FGF10: variants seen among roughly 807,000 people sequenced by gnomAD.
The protein encoded by FGF10 is FGF-10.
Under a neutral mutation model 19.8 loss-of-function variants are expected in FGF10, and 2 were observed. The observed-to-expected ratio is 0.10, with a 90% CI of 0.04 to 0.32. FGF10 has a LOEUF of 0.32. FGF10 is among the 10% of genes least tolerant of loss of function. The pLI, the probability that FGF10 is intolerant of heterozygous loss-of-function variation, is 1.00. For synonymous variants in FGF10, 112 were observed against 94.0 expected (o/e 1.19, Z -1.10); for missense variants, 191 against 246.3 (o/e 0.78, Z 1.50).
chr5:44,377,764 A>T (rs937767052), intron 1 of FGF10, among the ~76,000 whole-genome samples: 3 of 152,226 alleles, frequency 2.0e-5, no homozygotes, highest in Non-Finnish European at 4.4e-5. Context: ...ACATAATGTG[A>T]TATCTTGGGG....
At chr5:44,364,660 T>C (rs1392756640) in intron 1 of FGF10, among the ~76,000 whole-genome samples, 7 of 151,926 alleles carry the variant, frequency 4.6e-5, no homozygotes, top group Admixed American at 3.9e-4. Context: ...AAGTGAAATA[T>C]GATGAGGTTT....
Position 44,388,341 on chromosome 5 carries a change from A to G in FGF10, c.325+17T>C, listed in dbSNP as rs1742156960. On this transcript the variant is annotated intron_variant, in intron 1 of 2. Transcript: ENST00000264664. ...GGTGGATAATTGGAAGGAGGGGAGC[A>G]TGCATTTGTTACTTACTGTACGGGC... is the stretch of plus-strand genomic sequence containing the variant. 5 of 1,609,238 alleles carry G rather than the reference A, an allele frequency of 3.1e-6. No homozygotes were observed. The highest frequency in any genetic ancestry group is 1.1e-5 in the South Asian group (1 of 90,944).
At chr5:44,322,165 A>G (rs961937747) in intron 1 of FGF10, among the ~76,000 whole-genome samples, 7 of 152,140 alleles carry the variant, frequency 4.6e-5, no homozygotes, top group African/African-American at 1.4e-4. Context: ...TAGAACAACA[A>G]TCACCACTGG....
rs573116337 is a variant in FGF10 at position 44,303,188 on chromosome 5, T to C, written c.*1807A>G. 2.0e-5 allele frequency among the ~76,000 whole-genome samples: 3 copies of C among 152,308 alleles called. No individual in the cohort carries two copies. The highest frequency in any genetic ancestry group is 7.2e-5 in the African/African-American group (3 of 41,576). On this transcript the variant is annotated 3_prime_UTR_variant, in exon 3 of 3. Transcript: ENST00000264664. ...GTGTTTCTTCTGAAATACAGTTTTT[T>C]TGAAGAATGGGAAAAATATGACCTT...
At chr5:44,350,213 T>C (rs1323112002) in intron 1 of FGF10, among the ~76,000 whole-genome samples, 1 of 150,640 alleles carries the variant, frequency 6.6e-6, no homozygotes, top group African/African-American at 2.4e-5. Context: ...ACATAAATGG[T>C]TAAGTAAACT....
chr5:44,300,934 G>A lies in FGF10; in HGVS notation c.*4061C>T, dbSNP rs1298739492. Among the ~76,000 whole-genome samples, 1 of 152,030 alleles carries A rather than the reference G, an allele frequency of 6.6e-6. No homozygotes were observed. The highest frequency in any genetic ancestry group is 6.6e-5 in the Admixed American group (1 of 15,238). On this transcript the variant is annotated 3_prime_UTR_variant, in exon 3 of 3. Transcript: ENST00000264664. ...GGATCTTGTAGTAAAGGAGTTTGGGGTTTTGGGTTTTGGAGTAGGAAAGAA... is the reference window on the plus strand; with the variant it reads ...GGATCTTGTAGTAAAGGAGTTTGGGATTTTGGGTTTTGGAGTAGGAAAGAA...
intron 1 of FGF10, among the ~76,000 whole-genome samples, chr5:44,316,385 T>G (rs746665324): frequency 2.6e-5 from 4 of 152,152 alleles, no homozygotes; most frequent in Non-Finnish European, 5.9e-5. Flanking sequence ...TAGTGGCAAG[T>G]TAACCAACCT....
At chr5:44,312,878 C>A (rs1740245504) in intron 1 of FGF10, among the ~76,000 whole-genome samples, 1 of 152,028 alleles carries the variant, frequency 6.6e-6, no homozygotes, top group Non-Finnish European at 1.5e-5. Flanking sequence ...TACTAACAGA[C>A]TGAGCTATAG....
chr5:44,332,052 A>G (rs1343728281), intron 1 of FGF10, among the ~76,000 whole-genome samples: 2 of 152,106 alleles, frequency 1.3e-5, no homozygotes, highest in Non-Finnish European at 2.9e-5. Context: ...ATTAAACCCA[A>G]TAGATGTGTA....
At chr5:44,322,750 A>T (rs1398827266) in intron 1 of FGF10, among the ~76,000 whole-genome samples, 1 of 151,958 alleles carries the variant, frequency 6.6e-6, no homozygotes, top group African/African-American at 2.4e-5. Context: ...AGCAACCAAA[A>T]TGAGATTATG....
chr5:44,377,190 G>T (rs1012392156), intron 1 of FGF10, among the ~76,000 whole-genome samples: 2 of 152,142 alleles, frequency 1.3e-5, no homozygotes, highest in Non-Finnish European at 2.9e-5. Flanking sequence ...TCCTCAGTGT[G>T]ACCTCCTGAT....
At chr5:44,306,882 A>G (rs1364745106) in intron 2 of FGF10, among the ~76,000 whole-genome samples, 3 of 152,196 alleles carry the variant, frequency 2.0e-5, no homozygotes, top group Non-Finnish European at 2.9e-5. Context: ...ATAATTCTGT[A>G]TTTGAAAGGA....
intron 1 of FGF10, among the ~76,000 whole-genome samples, chr5:44,364,798 A>G (rs989395771): frequency 6.6e-6 from 1 of 151,958 alleles, no homozygotes; most frequent in Non-Finnish European, 1.5e-5. Context: ...GAATTGAAAC[A>G]CAGTGTGAAT....
intron 1 of FGF10, among the ~76,000 whole-genome samples, chr5:44,382,049 A>G (rs1316407570): frequency 1.3e-5 from 2 of 152,226 alleles, no homozygotes; most frequent in African/African-American, 2.4e-5. Flanking sequence ...CAGAATGGGT[A>G]TAGGTAAAGG....
chr5:44,376,380 A>G (rs1382369968), intron 1 of FGF10, among the ~76,000 whole-genome samples: 1 of 151,572 alleles, frequency 6.6e-6, no homozygotes, highest in African/African-American at 2.4e-5. Flanking sequence ...TAGTTTGTTT[A>G]AAAAACACTT....
chr5:44,372,265 G>A (rs1327755669), intron 1 of FGF10, among the ~76,000 whole-genome samples: 3 of 152,072 alleles, frequency 2.0e-5, no homozygotes, highest in African/African-American at 7.2e-5. Context: ...TTACCACTAT[G>A]TTGAAAGCCA....
chr5:44,345,621 C>T (rs942578169), intron 1 of FGF10, among the ~76,000 whole-genome samples: 2 of 124,826 alleles, frequency 1.6e-5, no homozygotes, highest in Admixed American at 8.2e-5. Flanking sequence ...CTGTTCATTC[C>T]CTTTCTCAGC....
At chr5:44,353,350 G>A (rs758929593) in intron 1 of FGF10, among the ~76,000 whole-genome samples, 7 of 151,386 alleles carry the variant, frequency 4.6e-5, no homozygotes, top group African/African-American at 1.2e-4. Flanking sequence ...TTTGTTCTGC[G>A]TTTTCTTTTT....
At chr5:44,377,206 G>A (rs1055007210) in intron 1 of FGF10, among the ~76,000 whole-genome samples, 5 of 152,178 alleles carry the variant, frequency 3.3e-5, no homozygotes, top group African/African-American at 7.2e-5. Context: ...CTGATGTCAT[G>A]CATCTCTCCC....
Sources: gnomAD v4.1 joint callset for allele counts (sites outside exome capture counted in the v4.1 genomes callset) on GRCh38, gnomAD v4.1.1 for gene constraint, MANE v1.5 for transcripts, NCBI Gene and HGNC (gene_info 2026-07-23, HGNC 2026-07-21) for gene names.